CHST11: variants seen among roughly 807,000 people sequenced by gnomAD.
CHST11 encodes C4S-1.
In CHST11, 9 loss-of-function variants were observed where a neutral mutation model predicts 30.4. The ratio of observed to expected loss-of-function variants is 0.30; its 90% confidence interval spans 0.18 to 0.52. The LOEUF (loss-of-function observed/expected upper bound fraction) is 0.52, where lower values mean the gene tolerates loss of function less well. CHST11 is among the 20% of genes least tolerant of loss of function. CHST11 has a pLI of 0.97. For synonymous variants in CHST11, 152 were observed against 187.8 expected, an observed-to-expected ratio of 0.81 and a Z score of 1.56; for missense variants, 348 against 460.6, an observed-to-expected ratio of 0.76 and a Z score of 2.24.
chr12:104,515,158 G>A (rs748179805), intron 1 of CHST11, among the ~76,000 whole-genome samples: 2 of 152,164 alleles, frequency 1.3e-5, no homozygotes, highest in Non-Finnish European at 2.9e-5. Flanking sequence ...AATATTTCTT[G>A]ACACATGAAA....
chr12:104,553,600 AGT>A (rs1491551826), intron 1 of CHST11, among the ~76,000 whole-genome samples: 7,129 of 142,370 alleles, frequency 0.05, 252 homozygotes, highest in Non-Finnish European at 0.075. Context: ...AGAGAGAGAG[AGT>A]GAGAACTAGG....
chr12:104,519,126 C>T (rs2038053977), intron 1 of CHST11, among the ~76,000 whole-genome samples: 1 of 147,390 alleles, frequency 6.8e-6, no homozygotes, highest in Non-Finnish European at 1.5e-5. Flanking sequence ...ATAATAGTCC[C>T]AACCCTAAAC....
Position 104,458,884 on chromosome 12 carries a change from C to T in CHST11, c.118+1355C>T, listed in dbSNP as rs916985669. Among the ~76,000 whole-genome samples the T allele has an allele frequency of 2.0e-5, 3 of 152,210 alleles. No homozygotes were observed. Among genetic ancestry groups the T allele is most frequent in the Non-Finnish European group, 2.9e-5 (2 of 68,040 alleles). Reference sequence around the variant, plus strand: ...CGCAGTCCCGAATTCATCAAGCCTGCGTTTGGGTCGATGGCAGAGGAATAA... The same window carrying T: ...CGCAGTCCCGAATTCATCAAGCCTGTGTTTGGGTCGATGGCAGAGGAATAA... On this transcript the variant is annotated intron_variant, in intron 1 of 2. Transcript: ENST00000303694. This position sits in a 1 kb window ranked among gnomAD's most constrained non-coding sequence, Gnocchi z 5.7.
chr12:104,571,104 A>G (rs2038620275), intron 1 of CHST11, among the ~76,000 whole-genome samples: 1 of 152,122 alleles, frequency 6.6e-6, no homozygotes, highest in Non-Finnish European at 1.5e-5. Context: ...TAAGTTAATC[A>G]GCTGAGGTCA....
intron 1 of CHST11, among the ~76,000 whole-genome samples, chr12:104,572,666 G>A (rs969284701): frequency 6.6e-5 from 10 of 151,918 alleles, no homozygotes; most frequent in African/African-American, 1.9e-4. Context: ...AAAAAAACTA[G>A]CTCCTGGATT....
At position 104,482,959 on chromosome 12, in the gene CHST11, A is replaced by T. The variant is rs1352834642; in HGVS notation, c.118+25430A>T. On this transcript the variant is annotated intron_variant, in intron 1 of 2. Transcript: ENST00000303694. ...CCCGGAGTCAGCATGGGAGAAAGTC[A>T]TCCTGTCTGAAACAGTGCTGATTCG... Among the ~76,000 whole-genome samples the T allele has an allele frequency of 6.6e-5, 10 of 152,334 alleles. No homozygotes were observed. In the South Asian group the frequency reaches 2.1e-3, roughly 32 times the overall value.
At chr12:104,567,460 TC>T (rs2038579558) in intron 1 of CHST11, among the ~76,000 whole-genome samples, 4 of 152,168 alleles carry the variant, frequency 2.6e-5, no homozygotes, top group African/African-American at 9.7e-5. Flanking sequence ...TGTCCCTCTC[TC>T]CCTGCCTCTT....
intron 2 of CHST11, among the ~76,000 whole-genome samples, chr12:104,702,773 T>A (rs1056970710): frequency 6.6e-6 from 1 of 152,222 alleles, no homozygotes; most frequent in Non-Finnish European, 1.5e-5. Context: ...TCATCTGAGC[T>A]GATGTTGGCT....
In CHST11 at chr12:104,676,708, G is replaced by T. The variant is rs912652129; in HGVS notation, c.204+74717G>T. 6.6e-6 allele frequency among the ~76,000 whole-genome samples: 1 copy of T among 152,174 alleles called. No homozygotes were observed. ...ATGAGCCACTGCACCCGGCCTCCCT[G>T]CCTCCTTTCCTAAGGAAGCTGCAGC... On this transcript the variant is annotated intron_variant, in intron 2 of 2. Transcript: ENST00000303694. The surrounding 1 kb of genome is among the most constrained non-coding windows in gnomAD (Gnocchi z 4.4).
chr12:104,745,609 T>A (rs2040383909), intron 2 of CHST11, among the ~76,000 whole-genome samples: 1 of 152,248 alleles, frequency 6.6e-6, no homozygotes, highest in Non-Finnish European at 1.5e-5. Flanking sequence ...CATCTCTGAT[T>A]TTTTTGTGCA....
chr12:104,734,557 G>A (rs2040283743), intron 2 of CHST11, among the ~76,000 whole-genome samples: 1 of 152,188 alleles, frequency 6.6e-6, no homozygotes, highest in Admixed American at 6.5e-5. Flanking sequence ...TCTGAATACG[G>A]TCACAGGTGG....
chr12:104,549,132 G>A (rs2038380895), intron 1 of CHST11, among the ~76,000 whole-genome samples: 1 of 152,194 alleles, frequency 6.6e-6, no homozygotes, highest in African/African-American at 2.4e-5. Flanking sequence ...AGTGAAAACT[G>A]GAGCCTCCTG....
At chr12:104,708,426 C>T (rs754908171) in intron 2 of CHST11, among the ~76,000 whole-genome samples, 33 of 152,312 alleles carry the variant, frequency 2.2e-4, no homozygotes, top group African/African-American at 6.7e-4. Context: ...CCCAGCTGTA[C>T]GGCATTGGAC....
At chr12:104,603,749 G>A (rs2038977966) in intron 2 of CHST11, among the ~76,000 whole-genome samples, 1 of 152,182 alleles carries the variant, frequency 6.6e-6, no homozygotes, top group Non-Finnish European at 1.5e-5. Flanking sequence ...AGTCAGACCT[G>A]GGTTCAAAGC....
intron 2 of CHST11, among the ~76,000 whole-genome samples, chr12:104,746,324 TTTAA>T (rs2040388703): frequency 6.6e-6 from 1 of 152,070 alleles, no homozygotes; most frequent in South Asian, 2.1e-4. Flanking sequence ...AAAGAAGTAC[TTTAA>T]CTACACTAGG....
At chr12:104,657,768 A>G (rs2039559576) in intron 2 of CHST11, among the ~76,000 whole-genome samples, 1 of 152,132 alleles carries the variant, frequency 6.6e-6, no homozygotes, top group Admixed American at 6.5e-5. Context: ...CTGGACTCCG[A>G]TGGCTGGACT....
chr12:104,607,669 A>G (rs953140966), intron 2 of CHST11, among the ~76,000 whole-genome samples: 2 of 152,168 alleles, frequency 1.3e-5, no homozygotes, highest in African/African-American at 2.4e-5. Flanking sequence ...TCCATGGCGC[A>G]TTCAGAGAAC....
At chr12:104,620,033 A>G (rs12814462) in intron 2 of CHST11, among the ~76,000 whole-genome samples, 7,464 of 152,222 alleles carry the variant, frequency 0.049, 469 homozygotes, top group African/African-American at 0.15. Flanking sequence ...CCTTCATCCT[A>G]GGTCTGATGG....
Position 104,489,592 on chromosome 12 carries a change from C to T in CHST11, c.118+32063C>T, listed in dbSNP as rs1042244889. ...GTCCTGGGTTCAAGTGATTCTTCTGCCTCAGCCTCCTGAGTAGCTGGGACT... is the reference window on the plus strand; with the variant it reads ...GTCCTGGGTTCAAGTGATTCTTCTGTCTCAGCCTCCTGAGTAGCTGGGACT... On this transcript the variant is annotated intron_variant, in intron 1 of 2. Coordinates refer to ENST00000303694, the MANE Select transcript of CHST11 (RefSeq NM_018413.6). 2.6e-5 allele frequency among the ~76,000 whole-genome samples: 4 copies of T among 152,168 alleles called. No homozygotes were observed. In the South Asian group the frequency reaches 8.3e-4, roughly 32 times the overall value.
Sources: gnomAD v4.1 joint callset for allele counts (sites outside exome capture counted in the v4.1 genomes callset) on GRCh38, gnomAD v4.1.1 for gene constraint, Gnocchi (gnomAD v3.1) non-coding constraint, MANE v1.5 for transcripts, NCBI Gene and HGNC (gene_info 2026-07-23, HGNC 2026-07-21) for gene names.